The following ZNF532 variants were observed in gnomAD, a reference collection of about 807,000 sequenced individuals.
ZNF532 encodes the protein zinc finger protein 532.
ZNF532 carries 22 observed loss-of-function variants against 89.3 expected under a neutral mutation model. That is an observed-to-expected ratio of 0.25 (90% CI 0.18 to 0.35). ZNF532 has a LOEUF of 0.35. ZNF532 is among the 10% of genes least tolerant of loss of function. ZNF532 has a pLI of 1.00. For synonymous variants in ZNF532, 606 were observed against 649.6 expected (o/e 0.93, Z 1.02); for missense variants, 1,132 against 1,643.4 (o/e 0.69, Z 5.38).
At chr18:58,967,339 C>A (rs2066016307) in intron 7 of ZNF532, among the ~76,000 whole-genome samples, 1 of 152,214 alleles carries the variant, frequency 6.6e-6, no homozygotes, top group Admixed American at 6.5e-5. Flanking sequence ...CTTACCCTGC[C>A]TCCTTTTCCA....
intron 3 of ZNF532, chr18:58,934,216 C>T (rs1052253131): frequency 3.2e-5 from 14 of 440,222 alleles, no homozygotes; most frequent in Admixed American, 7.4e-5. Flanking sequence ...TACTTTGAGA[C>T]GAGCCTGACT....
chr18:58,927,179 T>G (rs956559248), intron 3 of ZNF532, among the ~76,000 whole-genome samples: 2 of 152,088 alleles, frequency 1.3e-5, no homozygotes, highest in Non-Finnish European at 2.9e-5. Context: ...GGGCTGGTGG[T>G]GGGGGAATTG....
At chr18:58,961,051 C>T (rs1057068085) in intron 7 of ZNF532, among the ~76,000 whole-genome samples, 2 of 152,218 alleles carry the variant, frequency 1.3e-5, no homozygotes, top group African/African-American at 2.4e-5. Context: ...GGAAAGCTAA[C>T]ACCCTTCCTT....
At chr18:58,944,878 T>C (rs1427602579) in intron 5 of ZNF532, among the ~76,000 whole-genome samples, 1 of 152,170 alleles carries the variant, frequency 6.6e-6, no homozygotes, top group African/African-American at 2.4e-5. Context: ...TTGGTCTGTC[T>C]CCCTCCCTGC....
rs1555756183 is a variant in ZNF532 at position 58,964,579 on chromosome 18, GTA to G, written c.3150+10783_3150+10784del. ...TGTGTGTGTGTGTGTGTGTGTGTGTGTATACACAGTTTTTCTTTTTTTTTTTA... is the reference window on the plus strand; with the variant it reads ...TGTGTGTGTGTGTGTGTGTGTGTGTGTACACAGTTTTTCTTTTTTTTTTTA... On this transcript the variant is annotated intron_variant, in intron 7 of 9. Coordinates refer to ENST00000591808, the MANE Select transcript of ZNF532 (RefSeq NM_001375912.1). Among the ~76,000 whole-genome samples, 103 of 126,116 alleles carry G rather than the reference GTA, an allele frequency of 8.2e-4. 2 individuals are homozygous for G. The highest frequency in any genetic ancestry group is 4.1e-3 in the Middle Eastern group (1 of 244). The allele number at this position is 126,116 out of a possible 152,430, so 82.7% of individuals were successfully genotyped here.
intron 7 of ZNF532, among the ~76,000 whole-genome samples, chr18:58,963,118 G>A (rs1000757473): frequency 3.3e-5 from 5 of 152,136 alleles, no homozygotes; most frequent in African/African-American, 9.7e-5. Flanking sequence ...TCCACCCAAC[G>A]TTCACTCTTG....
intron 3 of ZNF532, among the ~76,000 whole-genome samples, chr18:58,922,867 G>A (rs963987616): frequency 2.0e-5 from 3 of 152,120 alleles, no homozygotes; most frequent in Non-Finnish European, 4.4e-5. Context: ...ATGAGCAGGC[G>A]GGTAGGAATG....
At chr18:58,904,615 C>A (rs559782520) in intron 2 of ZNF532, among the ~76,000 whole-genome samples, 10 of 152,052 alleles carry the variant, frequency 6.6e-5, no homozygotes, top group Admixed American at 2.0e-4. Context: ...TAACCAAATT[C>A]TTAGGAGGGA....
At chr18:58,949,959 C>T (rs1208184469) in intron 6 of ZNF532, among the ~76,000 whole-genome samples, 2 of 152,048 alleles carry the variant, frequency 1.3e-5, no homozygotes. Context: ...ACAGTAAAAC[C>T]CTCTTAAGAT....
At chr18:58,981,415 C>A in intron 8 of ZNF532, 55 bp from the exon 9 acceptor site, 1 of 1,586,014 alleles carries the variant, frequency 6.3e-7, no homozygotes, top group Admixed American at 1.8e-5. Flanking sequence ...TGAGTTCTTC[C>A]ACAGGAGCTT....
chr18:58,892,056 G>A (rs1403595290), intron 2 of ZNF532, among the ~76,000 whole-genome samples: 1 of 152,082 alleles, frequency 6.6e-6, no homozygotes, highest in East Asian at 1.9e-4. Flanking sequence ...AGGTATTCTT[G>A]GAGACATTTT....
At chr18:58,975,312 A>G (rs1228185940) in intron 7 of ZNF532, among the ~76,000 whole-genome samples, 1 of 152,238 alleles carries the variant, frequency 6.6e-6, no homozygotes, top group Non-Finnish European at 1.5e-5. Context: ...GGTGCAAGGC[A>G]GATACCTCGT....
intron 5 of ZNF532, among the ~76,000 whole-genome samples, chr18:58,942,078 A>G (rs1451520764): frequency 7.3e-6 from 1 of 136,678 alleles, no homozygotes; most frequent in Non-Finnish European, 1.5e-5. Context: ...GCTGGAGTGC[A>G]GTGGCACGAT....
chr18:58,872,197 A>G (rs910423258), intron 2 of ZNF532, among the ~76,000 whole-genome samples: 5 of 151,994 alleles, frequency 3.3e-5, no homozygotes, highest in Admixed American at 3.3e-4. Context: ...CCCCAAATGC[A>G]GATTTTGTAT....
chr18:58,940,963 T>TTCTCTCTC lies in ZNF532; in HGVS notation c.2705+1363_2705+1370dup, dbSNP rs140521782. The stretch of plus-strand genomic sequence containing the variant: ...ACACACACACACACACACACACTCT[T>TTCTCTCTC]TCTCTCTCTCTCTCTCTCTCTCTCT... On this transcript the variant is annotated intron_variant, in intron 5 of 9. Coordinates refer to ENST00000591808, the MANE Select transcript of ZNF532 (RefSeq NM_001375912.1). Among the ~76,000 whole-genome samples the TTCTCTCTC allele has an allele frequency of 3.0e-3, 317 of 105,346 alleles. 1 individual carries two copies. The Middle Eastern group carries it at 0.03, about 10-fold the overall frequency. 69.1% of individuals were successfully genotyped at this position (105,346 alleles called of 152,430 possible).
intron 2 of ZNF532, among the ~76,000 whole-genome samples, chr18:58,888,883 T>A: frequency 7.4e-5 from 4 of 53,724 alleles, no homozygotes; most frequent in Non-Finnish European, 9.1e-5. Flanking sequence ...ATATTATATA[T>A]ATATATTTTA....
At chr18:58,963,207 T>C (rs1465112137) in intron 7 of ZNF532, among the ~76,000 whole-genome samples, 1 of 152,228 alleles carries the variant, frequency 6.6e-6, no homozygotes, top group Non-Finnish European at 1.5e-5. Flanking sequence ...ATTTAAAGCC[T>C]GATTATAAAT....
rs1448249460 is a variant in ZNF532, at chr18:58,986,277, A to G, written c.*1811A>G. 2.0e-5 allele frequency: 3 copies of G among 152,668 alleles called. No homozygotes were observed. Among genetic ancestry groups the G allele is most frequent in the Non-Finnish European group, 4.4e-5 (3 of 68,048 alleles). 9.5% of individuals were successfully genotyped at this position (152,668 alleles called of 1,614,324 possible). On this transcript the variant is annotated 3_prime_UTR_variant, in exon 10 of 10. Coordinates refer to ENST00000591808, the MANE Select transcript of ZNF532 (RefSeq NM_001375912.1). ...GCAATAAGCCTGTGTGGTAGGCCAC[A>G]TAGGTCCGAATAACCTAGTTTTACA...
chr18:58,892,529 C>T (rs1706505066), intron 2 of ZNF532, among the ~76,000 whole-genome samples: 1 of 152,204 alleles, frequency 6.6e-6, no homozygotes. Context: ...CTCCCAGAGG[C>T]CTTTGGTTTC....
Sources: gnomAD v4.1 joint callset for allele counts (sites outside exome capture counted in the v4.1 genomes callset) on GRCh38, gnomAD v4.1.1 for gene constraint, MANE v1.5 for transcripts, NCBI Gene and HGNC (gene_info 2026-07-23, HGNC 2026-07-21) for gene names.